The following DSCAM variants were observed in gnomAD, a reference collection of about 807,000 sequenced individuals.
DSCAM encodes the protein cell adhesion molecule DSCAM.
A neutral mutation model predicts 217.7 loss-of-function variants in DSCAM; 47 were observed. The observed-to-expected ratio is 0.22, with a 90% CI of 0.17 to 0.28. DSCAM has a LOEUF of 0.28. Among genes scored for constraint, DSCAM ranks in the 10% least tolerant of loss-of-function variants. DSCAM has a pLI of 1.00. For missense variants in DSCAM, 2,080 were observed against 2,618.3 expected (o/e 0.79, Z 4.49); for synonymous variants, 1,056 against 1,015.3 (o/e 1.04, Z -0.76).
In DSCAM at chr21:40,453,079, TGTGTGTGTGTGTGA is replaced by T. The variant is rs781734645; in HGVS notation, c.509-83848_509-83835del. On this transcript the variant is annotated intron_variant, in intron 3 of 32. Transcript: ENST00000400454. The stretch of plus-strand genomic sequence containing the variant: ...GTGTGTGTGTGTGTGTGTGTGTGTG[TGTGTGTGTGTGTGA>T]GATATATGTGTATATCTACACATAC... 2.1e-4 allele frequency among the ~76,000 whole-genome samples: 27 copies of T among 128,336 alleles called. 1 individual carries two copies. The highest frequency in any genetic ancestry group is 7.8e-4 in the Admixed American group (10 of 12,788). 84.2% of individuals were successfully genotyped at this position (128,336 alleles called of 152,430 possible).
At chr21:40,180,068 G>C (rs2090782463) in intron 14 of DSCAM, among the ~76,000 whole-genome samples, 2 of 152,236 alleles carry the variant, frequency 1.3e-5, no homozygotes, top group Middle Eastern at 3.2e-3. Context: ...TAAGCTCCAG[G>C]AGGGCAGAGG....
At chr21:40,280,364 A>T (rs1013344121) in intron 10 of DSCAM, among the ~76,000 whole-genome samples, 3 of 151,804 alleles carry the variant, frequency 2.0e-5, no homozygotes, top group East Asian at 1.9e-4. Flanking sequence ...GCCTTTAAAA[A>T]TTTTTTGTAA....
At position 40,259,891 on chromosome 21, in the gene DSCAM, C is replaced by T. The variant is rs373176109; in HGVS notation, c.2356+16206G>A. On this transcript the variant is annotated intron_variant, in intron 11 of 32. Coordinates refer to ENST00000400454, the MANE Select transcript of DSCAM (RefSeq NM_001389.5). ...GTACTCTTGTACAGTTACAAGAGTA[C>T]TAGTTTTTTGTATTTTTAGTAGAGA... 4.6e-5 allele frequency among the ~76,000 whole-genome samples: 7 copies of T among 151,694 alleles called. No individual in the cohort carries two copies. The East Asian group carries it at 5.9e-4, about 13-fold the overall frequency.
chr21:40,359,746 T>C (rs1311650958), intron 4 of DSCAM, among the ~76,000 whole-genome samples: 6 of 152,136 alleles, frequency 3.9e-5, no homozygotes, highest in African/African-American at 1.4e-4. Context: ...AAAATGCAAC[T>C]CTACAGAGAC....
At chr21:40,417,711 T>A (rs995458413) in intron 3 of DSCAM, among the ~76,000 whole-genome samples, 20 of 152,298 alleles carry the variant, frequency 1.3e-4, no homozygotes, top group African/African-American at 4.6e-4. Flanking sequence ...CAGTTTAACT[T>A]AGCAAATTAT....
At chr21:40,098,772 T>C (rs1287829623) in intron 20 of DSCAM, among the ~76,000 whole-genome samples, 1 of 152,192 alleles carries the variant, frequency 6.6e-6, no homozygotes, top group Non-Finnish European at 1.5e-5. Flanking sequence ...GGGTACACAG[T>C]GTCAGATGAT....
chr21:40,617,284 C>T (rs953801263), intron 3 of DSCAM, among the ~76,000 whole-genome samples: 6 of 151,592 alleles, frequency 4.0e-5, no homozygotes, highest in African/African-American at 7.3e-5. Context: ...CCACCACGCT[C>T]GGCTAATTTT....
At chr21:40,422,263 C>T (rs1411599745) in intron 3 of DSCAM, among the ~76,000 whole-genome samples, 1 of 152,170 alleles carries the variant, frequency 6.6e-6, no homozygotes, top group Admixed American at 6.5e-5. Flanking sequence ...AGGGCATATA[C>T]CCTAAAAGTC....
At chr21:40,268,786 T>G (rs2073575310) in intron 11 of DSCAM, among the ~76,000 whole-genome samples, 1 of 152,036 alleles carries the variant, frequency 6.6e-6, no homozygotes, top group South Asian at 2.1e-4. Flanking sequence ...CCATCTATAC[T>G]GAAAAAATAT....
intron 3 of DSCAM, among the ~76,000 whole-genome samples, chr21:40,557,229 C>T (rs1192270785): frequency 6.6e-6 from 1 of 152,066 alleles, no homozygotes; most frequent in Non-Finnish European, 1.5e-5. Context: ...TTTCTGGTTA[C>T]GGGGTAAAAT....
intron 3 of DSCAM, among the ~76,000 whole-genome samples, chr21:40,585,729 G>T (rs934396284): frequency 2.0e-5 from 3 of 152,062 alleles, no homozygotes; most frequent in African/African-American, 7.2e-5. Flanking sequence ...TCATGGGAGT[G>T]GATCCCTCAT....
intron 9 of DSCAM, 83 bp from the exon 10 acceptor site, chr21:40,296,257 T>G: frequency 4.1e-6 from 6 of 1,450,630 alleles, no homozygotes; most frequent in Non-Finnish European, 5.7e-6. Flanking sequence ...TGAATCATTT[T>G]AATGAATATT....
At chr21:40,765,037 C>G (rs143349513) in intron 1 of DSCAM, among the ~76,000 whole-genome samples, 434 of 151,182 alleles carry the variant, frequency 2.9e-3, no homozygotes, top group African/African-American at 6.2e-3. Flanking sequence ...ATAGGTGCAG[C>G]AAACCACCAT....
intron 16 of DSCAM, among the ~76,000 whole-genome samples, chr21:40,159,477 C>G (rs1420939724): frequency 6.6e-6 from 1 of 152,148 alleles, no homozygotes; most frequent in Non-Finnish European, 1.5e-5. Flanking sequence ...CCAATTTGTT[C>G]TCTGTGAAAA....
chr21:40,771,497 C>T (rs1321820861), intron 1 of DSCAM, among the ~76,000 whole-genome samples: 3 of 152,174 alleles, frequency 2.0e-5, no homozygotes, highest in Non-Finnish European at 4.4e-5. Context: ...AGCAATTTCT[C>T]CTCTCCGCAC....
At chr21:40,430,016 G>A (rs1275155986) in intron 3 of DSCAM, among the ~76,000 whole-genome samples, 2 of 152,134 alleles carry the variant, frequency 1.3e-5, no homozygotes, top group African/African-American at 4.8e-5. Context: ...AAATACAAAT[G>A]AACAAAAAAT....
At chr21:40,113,599 G>T (rs372638212) in intron 20 of DSCAM, among the ~76,000 whole-genome samples, 18,249 of 151,558 alleles carry the variant, frequency 0.12, 1,143 homozygotes, top group Non-Finnish European at 0.16. Context: ...GGGTATTCAA[G>T]TAGGAAAAGA....
intron 3 of DSCAM, among the ~76,000 whole-genome samples, chr21:40,586,939 A>G (rs1404029569): frequency 6.6e-6 from 1 of 152,214 alleles, no homozygotes; most frequent in Non-Finnish European, 1.5e-5. Context: ...CACAGCATCT[A>G]AAAAGGAAAA....
intron 9 of DSCAM, among the ~76,000 whole-genome samples, chr21:40,305,581 G>A (rs541867140): frequency 3.3e-5 from 5 of 152,170 alleles, no homozygotes; most frequent in South Asian, 4.2e-4. Context: ...TAGGTCTAAG[G>A]TTTAAGTCTT....
Sources: allele counts gnomAD v4.1 joint callset (sites outside exome capture counted in the v4.1 genomes callset), GRCh38; gene constraint gnomAD v4.1.1; transcripts MANE v1.5; gene names NCBI Gene and HGNC (gene_info 2026-07-23, HGNC 2026-07-21).